The following KIF26B variants were observed in gnomAD, a reference collection of about 807,000 sequenced individuals.
KIF26B encodes the protein kinesin-like protein KIF26B.
In KIF26B, 63 loss-of-function variants were observed where a neutral mutation model predicts 151.2. The observed-to-expected ratio is 0.42, with a 90% confidence interval of 0.34 to 0.51. The LOEUF (loss-of-function observed/expected upper bound fraction) is 0.51, where lower values mean the gene tolerates loss of function less well. Ranked by LOEUF, KIF26B falls within the 20% of genes least tolerant of loss-of-function variation. KIF26B has a pLI of 0.07. For missense variants in KIF26B, 2,813 were observed against 2,913.6 expected, an observed-to-expected ratio of 0.97 and a Z score of 0.79; for synonymous variants, 1,357 against 1,262.1, an observed-to-expected ratio of 1.08 and a Z score of -1.59.
rs2044224390 is a variant in KIF26B, at chr1:245,667,021, G to A, written c.2259-17212G>A. On this transcript the variant is annotated intron_variant, in intron 10 of 14. Transcript: ENST00000407071. This position sits in a 1 kb window ranked among gnomAD's most constrained non-coding sequence, Gnocchi z 4.3. ...TGTTGGTGTAAAATGTCTCTGCTGTGATCCACCCTTGAAGACTGTGAGCTG... is the reference window on the plus strand; with the variant it reads ...TGTTGGTGTAAAATGTCTCTGCTGTAATCCACCCTTGAAGACTGTGAGCTG... Among the ~76,000 whole-genome samples, 1 of 152,116 alleles carries A rather than the reference G, an allele frequency of 6.6e-6. No individual in the cohort carries two copies. The highest frequency in any genetic ancestry group is 1.5e-5 in the Non-Finnish European group (1 of 68,020).
chr1:245,429,157 T>A (rs1303094688), intron 4 of KIF26B, among the ~76,000 whole-genome samples: 2 of 152,192 alleles, frequency 1.3e-5, no homozygotes, highest in Non-Finnish European at 2.9e-5. Flanking sequence ...ATCTGCTTTA[T>A]AGGATTATGG....
At chr1:245,561,592 A>G (rs1176796708) in intron 5 of KIF26B, among the ~76,000 whole-genome samples, 5 of 152,216 alleles carry the variant, frequency 3.3e-5, no homozygotes, top group Non-Finnish European at 5.9e-5. Flanking sequence ...ACATTCACAT[A>G]CATCAATCAT....
At chr1:245,518,312 C>G (rs546246322) in intron 4 of KIF26B, among the ~76,000 whole-genome samples, 3 of 152,108 alleles carry the variant, frequency 2.0e-5, no homozygotes, top group Admixed American at 1.3e-4. Flanking sequence ...TGCCTGGAAA[C>G]AGTAGATCAT....
chr1:245,614,539 A>C (rs1213330705), intron 9 of KIF26B, among the ~76,000 whole-genome samples: 1 of 152,230 alleles, frequency 6.6e-6, no homozygotes, highest in African/African-American at 2.4e-5. Flanking sequence ...GAATGAAAAT[A>C]TCCACAGCTG....
intron 2 of KIF26B, among the ~76,000 whole-genome samples, chr1:245,333,532 C>T (rs1020019907): frequency 2.6e-5 from 4 of 152,058 alleles, no homozygotes; most frequent in East Asian, 1.9e-4. Flanking sequence ...GCGGTGGTGA[C>T]GGTTACACAG....
rs755985080 is a variant in KIF26B, at chr1:245,563,843, G to A, written c.1350+22893G>A. Among the ~76,000 whole-genome samples the A allele has an allele frequency of 3.3e-5, 5 of 152,102 alleles. No homozygotes were observed. Among genetic ancestry groups the A allele is most frequent in the Non-Finnish European group, 5.9e-5 (4 of 68,028 alleles). The stretch of plus-strand genomic sequence containing the variant: ...AAGGAAGCGGGCTCCTGCAGGACCC[G>A]GGAGACAGTGTTGAACTTGACCTTG... On this transcript the variant is annotated intron_variant, in intron 5 of 14. Transcript: ENST00000407071. The surrounding 1 kb of genome is among the most constrained non-coding windows in gnomAD (Gnocchi z 4.6).
chr1:245,517,699 C>A (rs539617069), intron 4 of KIF26B, among the ~76,000 whole-genome samples: 2 of 151,866 alleles, frequency 1.3e-5, no homozygotes, highest in Non-Finnish European at 2.9e-5. Flanking sequence ...TCTGCTAGCA[C>A]GGAACATATG....
chr1:245,242,659 TTTGTTTGTTTGA>T (rs1316614888), intron 2 of KIF26B, among the ~76,000 whole-genome samples: 1 of 152,096 alleles, frequency 6.6e-6, no homozygotes, highest in African/African-American at 2.4e-5. Context: ...TGTTTGTTTG[TTTGTTTGTTTGA>T]GATGGAATCT....
chr1:245,453,479 G>A (rs1052028164), intron 4 of KIF26B, among the ~76,000 whole-genome samples: 3 of 152,098 alleles, frequency 2.0e-5, no homozygotes, highest in African/African-American at 7.2e-5. Flanking sequence ...ACCAAGAAGA[G>A]TGCCTTTTCA....
At chr1:245,252,197 G>A (rs971785690) in intron 2 of KIF26B, among the ~76,000 whole-genome samples, 2 of 150,684 alleles carry the variant, frequency 1.3e-5, no homozygotes, top group African/African-American at 4.9e-5. Context: ...AATCACCTGA[G>A]CCCAGGAGTT....
At chr1:245,237,106 T>C (rs7514077) in intron 2 of KIF26B, among the ~76,000 whole-genome samples, 61,552 of 151,992 alleles carry the variant, frequency 0.4, 13,361 homozygotes, top group East Asian at 0.62. Flanking sequence ...TGGTTATCTC[T>C]CTTTCTTCCT....
At chr1:245,272,009 T>C (rs759353613) in intron 2 of KIF26B, among the ~76,000 whole-genome samples, 1 of 152,226 alleles carries the variant, frequency 6.6e-6, no homozygotes, top group Non-Finnish European at 1.5e-5. Context: ...GATTTTTGGT[T>C]ACTGATTCAA....
rs1385430612 is a variant in KIF26B at position 245,688,486 on chromosome 1, G to A, written c.5503G>A (p.Ala1835Thr). Residue 1835 changes from alanine to threonine, a missense_variant, in exon 12 of 15, where the codon GCC (alanine) becomes ACC (threonine). By Grantham distance (58) the Ala-to-Thr change is moderately conservative. Transcript: ENST00000407071. ...GCCCGAGGCGGAGGCGCGCGGGGGG[G>A]CCCTGGCCGAGGACGAGCCCGCGGC... ...AGPEAEARGG[A>T]LAEDEPAAAH... 7.0e-7 allele frequency: 1 copy of A among 1,432,922 alleles called. No individual in the cohort carries two copies. The highest frequency in any genetic ancestry group is 1.5e-5 in the African/African-American group (1 of 67,000). The allele number at this position is 1,432,922 out of a possible 1,614,324, so 88.8% of individuals were successfully genotyped here.
In KIF26B at chr1:245,676,996, G is replaced by A. The variant is rs1191350297; in HGVS notation, c.2259-7237G>A. 2.0e-5 allele frequency among the ~76,000 whole-genome samples: 3 copies of A among 152,300 alleles called. No homozygotes were observed. In the East Asian group the frequency reaches 5.8e-4, roughly 29 times the overall value. ...ACGCGTCTCTCCCACGCATTATCCT[G>A]CCTCAGAGGCATCTCAAATGATGCT... On this transcript the variant is annotated intron_variant, in intron 10 of 14. Coordinates refer to ENST00000407071, the MANE Select transcript of KIF26B (RefSeq NM_018012.4).
At chr1:245,462,294 G>A (rs1397697661) in intron 4 of KIF26B, among the ~76,000 whole-genome samples, 1 of 152,090 alleles carries the variant, frequency 6.6e-6, no homozygotes, top group Non-Finnish European at 1.5e-5. Context: ...GTGAAAATCC[G>A]AATCACAGGG....
chr1:245,232,796 C>T (rs1488662070), intron 2 of KIF26B, among the ~76,000 whole-genome samples: 2 of 152,166 alleles, frequency 1.3e-5, no homozygotes, highest in African/African-American at 2.4e-5. Flanking sequence ...GTGATCCACC[C>T]GCCTTGGCGT....
chr1:245,348,241 G>C lies in KIF26B; in HGVS notation c.466-18593G>C, dbSNP rs1672496008. On this transcript the variant is annotated intron_variant, in intron 2 of 14. Coordinates refer to ENST00000407071, the MANE Select transcript of KIF26B (RefSeq NM_018012.4). Reference sequence around the variant, plus strand: ...TGATCATTCATCAGACCTTTGCTCTGCCTGCACTGACTCCCTATGCCATCC... The same window carrying C: ...TGATCATTCATCAGACCTTTGCTCTCCCTGCACTGACTCCCTATGCCATCC... 2.0e-5 allele frequency among the ~76,000 whole-genome samples: 3 copies of C among 152,194 alleles called. No individual in the cohort carries two copies. In the South Asian group the frequency reaches 6.2e-4, roughly 32 times the overall value.
intron 2 of KIF26B, among the ~76,000 whole-genome samples, chr1:245,221,957 A>G (rs1042198761): frequency 6.6e-6 from 1 of 152,234 alleles, no homozygotes; most frequent in African/African-American, 2.4e-5. Context: ...AACATGTTCA[A>G]CTGCATGACA....
chr1:245,662,590 A>G (rs192646444), intron 10 of KIF26B, among the ~76,000 whole-genome samples: 1 of 124,146 alleles, frequency 8.1e-6, no homozygotes, highest in South Asian at 2.8e-4. Context: ...TATACACCCA[A>G]TGATATATAC....
Sources: gnomAD v4.1 joint callset for allele counts (sites outside exome capture counted in the v4.1 genomes callset) on GRCh38, gnomAD v4.1.1 for gene constraint, Gnocchi (gnomAD v3.1) non-coding constraint, MANE v1.5 for transcripts, NCBI Gene and HGNC (gene_info 2026-07-23, HGNC 2026-07-21) for gene names.